TMEM178B: variants seen among roughly 807,000 people sequenced by gnomAD.
The protein encoded by TMEM178B is transmembrane protein 178B.
A neutral mutation model predicts 31.0 loss-of-function variants in TMEM178B; 5 were observed. That is an observed-to-expected ratio of 0.16 (90% CI 0.08 to 0.34). The LOEUF (loss-of-function observed/expected upper bound fraction) is 0.34. TMEM178B is among the 10% of genes least tolerant of loss of function. The probability of loss-of-function intolerance (pLI) is 1.00; values close to 1 mark genes in which losing one functional copy is unlikely to be tolerated. For synonymous variants in TMEM178B, 164 were observed against 164.0 expected (o/e 1.00, Z 0.00); for missense variants, 275 against 400.3 (o/e 0.69, Z 2.67).
At chr7:141,270,338 C>T (rs1798162095) in intron 2 of TMEM178B, among the ~76,000 whole-genome samples, 1 of 152,006 alleles carries the variant, frequency 6.6e-6, no homozygotes, top group Non-Finnish European at 1.5e-5. Flanking sequence ...CTCTAGGAAG[C>T]ATCTGCTGTA....
rs192605879 is a variant in TMEM178B, at chr7:141,423,108, C to T, written c.497-14500C>T. On this transcript the variant is annotated intron_variant, in intron 2 of 3. Coordinates refer to ENST00000565468, the MANE Select transcript of TMEM178B (RefSeq NM_001195278.2). Reference sequence around the variant, plus strand: ...AGGCTGGAGTGCAGTGGCGTGATCTCGGCTCACTGTAACCTCCGCCTTCCA... The same window carrying T: ...AGGCTGGAGTGCAGTGGCGTGATCTTGGCTCACTGTAACCTCCGCCTTCCA... Among the ~76,000 whole-genome samples, 277 of 152,148 alleles carry T rather than the reference C, an allele frequency of 1.8e-3. 2 individuals carry two copies. The highest frequency in any genetic ancestry group is 6.3e-3 in the African/African-American group (261 of 41,518).
At chr7:141,109,814 G>A (rs893644026) in intron 1 of TMEM178B, among the ~76,000 whole-genome samples, 1 of 152,206 alleles carries the variant, frequency 6.6e-6, no homozygotes, top group Non-Finnish European at 1.5e-5. Flanking sequence ...GGAGGATCAT[G>A]CCTGTAATTC....
intron 2 of TMEM178B, among the ~76,000 whole-genome samples, chr7:141,373,043 G>A (rs1453158414): frequency 6.6e-6 from 1 of 152,216 alleles, no homozygotes; most frequent in Non-Finnish European, 1.5e-5. Flanking sequence ...GTAGCTGTGT[G>A]ACTTTGGGCA....
chr7:141,479,115 T>C lies in TMEM178B; in HGVS notation c.*8329T>C, dbSNP rs1403154287. The C allele has an allele frequency of 6.6e-6, 1 of 152,212 alleles. No homozygotes were observed. Among genetic ancestry groups the C allele is most frequent in the African/African-American group, 2.4e-5 (1 of 41,418 alleles). 9.4% of individuals were successfully genotyped at this position (152,212 alleles called of 1,614,324 possible). A position where few individuals can be genotyped will look rare whatever the true frequency, so the allele number is the denominator to read the frequency against. On this transcript the variant is annotated 3_prime_UTR_variant, in exon 4 of 4. Transcript: ENST00000565468. ...AAGTCCTAGAGGCCAAAGCAGGTCATATTCTTCAGCTGCAGGAATGTCAGC... is the reference window on the plus strand; with the variant it reads ...AAGTCCTAGAGGCCAAAGCAGGTCACATTCTTCAGCTGCAGGAATGTCAGC...
chr7:141,502,398 C>G, the TMEM178B span, among the ~76,000 whole-genome samples: 2 of 152,076 alleles, frequency 1.3e-5, no homozygotes, highest in Non-Finnish European at 1.5e-5. Flanking sequence ...CCAGGCATCA[C>G]CAGTCCAACG....
At chr7:141,100,868 T>C (rs1332614755) in intron 1 of TMEM178B, among the ~76,000 whole-genome samples, 1 of 152,158 alleles carries the variant, frequency 6.6e-6, no homozygotes, top group Non-Finnish European at 1.5e-5. Flanking sequence ...TTCTGAGTAA[T>C]GGAATAATTA....
At chr7:141,178,837 C>T (rs1207159291) in intron 1 of TMEM178B, among the ~76,000 whole-genome samples, 1 of 152,140 alleles carries the variant, frequency 6.6e-6, no homozygotes, top group East Asian at 1.9e-4. Context: ...TTTCCGTGGC[C>T]TCCAAAATTA....
intron 2 of TMEM178B, among the ~76,000 whole-genome samples, chr7:141,372,905 A>T (rs780710056): frequency 2.0e-5 from 3 of 152,146 alleles, no homozygotes; most frequent in Non-Finnish European, 4.4e-5. Context: ...GGCAGCGGTG[A>T]TGAGGAATGG....
At chr7:141,222,524 A>C (rs1329248750) in intron 2 of TMEM178B, among the ~76,000 whole-genome samples, 1 of 152,228 alleles carries the variant, frequency 6.6e-6, no homozygotes, top group Non-Finnish European at 1.5e-5. Context: ...ATTCATGCAC[A>C]ATCTCTGAGT....
chr7:141,398,523 C>T (rs2116615571), intron 2 of TMEM178B, among the ~76,000 whole-genome samples: 1 of 152,336 alleles, frequency 6.6e-6, no homozygotes, highest in Non-Finnish European at 1.5e-5. Context: ...CCCTCTGTTT[C>T]TCTCTTTCCC....
intron 1 of TMEM178B, chr7:141,172,905 GTGTGTGTGACTA>G (rs2129182948): frequency 6.6e-6 from 1 of 152,270 alleles, no homozygotes; most frequent in African/African-American, 2.4e-5. Context: ...ATGTATTGTG[GTGTGTGTGACTA>G]TGTGTGTGCA....
chr7:141,238,972 C>A (rs1382168393), intron 2 of TMEM178B, among the ~76,000 whole-genome samples: 5 of 152,214 alleles, frequency 3.3e-5, no homozygotes, highest in Non-Finnish European at 1.5e-5. Flanking sequence ...GATTTCTATT[C>A]TCTGCCCAAT....
chr7:141,103,150 G>A (rs1177422220), intron 1 of TMEM178B, among the ~76,000 whole-genome samples: 6 of 152,058 alleles, frequency 3.9e-5, no homozygotes, highest in Non-Finnish European at 7.4e-5. Context: ...TTTCAAGTGC[G>A]GAAAGGAAAA....
At chr7:141,129,269 C>T (rs540537181) in intron 1 of TMEM178B, among the ~76,000 whole-genome samples, 1 of 152,212 alleles carries the variant, frequency 6.6e-6, no homozygotes, top group Non-Finnish European at 1.5e-5. Flanking sequence ...TTCTCATTTA[C>T]TGCAGCCATC....
At chr7:141,161,818 G>A (rs1796177337) in intron 1 of TMEM178B, among the ~76,000 whole-genome samples, 1 of 151,920 alleles carries the variant, frequency 6.6e-6, no homozygotes, top group Non-Finnish European at 1.5e-5. Flanking sequence ...GAGAGTTTGT[G>A]AGGGTGGTGA....
intron 2 of TMEM178B, among the ~76,000 whole-genome samples, chr7:141,258,128 A>C (rs571777973): frequency 6.7e-6 from 1 of 150,100 alleles, no homozygotes; most frequent in Non-Finnish European, 1.5e-5. Context: ...ATAGAACTTT[A>C]TTTCTTTCTT....
At chr7:141,077,020 G>T (rs1407346745) in intron 1 of TMEM178B, among the ~76,000 whole-genome samples, 1 of 152,186 alleles carries the variant, frequency 6.6e-6, no homozygotes, top group Non-Finnish European at 1.5e-5. Context: ...CCTTTTCTGA[G>T]CAGCAATAGA....
At chr7:141,325,586 C>G (rs1157354602) in intron 2 of TMEM178B, among the ~76,000 whole-genome samples, 1 of 152,176 alleles carries the variant, frequency 6.6e-6, no homozygotes, top group Non-Finnish European at 1.5e-5. Context: ...GCATGATGCT[C>G]AAGCCTACTG....
the TMEM178B span, among the ~76,000 whole-genome samples, chr7:141,495,023 G>T: frequency 0.13 from 19,110 of 152,156 alleles, 3,687 homozygotes; most frequent in African/African-American, 0.41. Context: ...TTTCCCATAA[G>T]TAAAGTTTAT....
Sources: allele counts gnomAD v4.1 joint callset (sites outside exome capture counted in the v4.1 genomes callset), GRCh38; gene constraint gnomAD v4.1.1; transcripts MANE v1.5; gene names NCBI Gene and HGNC (gene_info 2026-07-23, HGNC 2026-07-21).